Variants in PDZD8 observed in about 807,000 individuals in gnomAD.
The protein encoded by PDZD8 is PDZ domain-containing protein 8.
Under a neutral mutation model 85.8 loss-of-function variants are expected in PDZD8, and 14 were observed. That is an observed-to-expected ratio of 0.16 (90% CI 0.11 to 0.26). PDZD8 has a LOEUF of 0.26. Ranked by LOEUF, PDZD8 falls within the 10% of genes least tolerant of loss-of-function variation. The pLI is 1.00. For synonymous variants in PDZD8, 592 were observed against 568.6 expected (o/e 1.04, Z -0.59); for missense variants, 1,197 against 1,424.3 (o/e 0.84, Z 2.57).
Position 117,374,301 on chromosome 10 carries a change from C to G in PDZD8, c.872+55G>C. ...TTGCCCTTCCCAATCCACGCAGCGT[C>G]CCGCCCAGGCCCGGGTTCCCGGCAG... On this transcript the variant is annotated intron_variant, in intron 1 of 4. Transcript: ENST00000334464. This position sits in a 1 kb window ranked among gnomAD's most constrained non-coding sequence, Gnocchi z 7.8. The G allele has an allele frequency of 6.3e-7, 1 of 1,590,066 alleles. No individual in the cohort carries two copies. The highest frequency in any genetic ancestry group is 8.6e-7 in the Non-Finnish European group (1 of 1,167,294).
chr10:117,364,193 T>C (rs1297142941), intron 1 of PDZD8, among the ~76,000 whole-genome samples: 11 of 151,670 alleles, frequency 7.3e-5, no homozygotes, highest in Non-Finnish European at 1.5e-4. Flanking sequence ...TGTGTGTGTG[T>C]GTGTGTGTGT....
chr10:117,308,366 G>T (rs1192174288), intron 3 of PDZD8, among the ~76,000 whole-genome samples: 1 of 151,854 alleles, frequency 6.6e-6, no homozygotes, highest in African/African-American at 2.4e-5. Context: ...ACTTGTACAA[G>T]AAAAAATAAA....
intron 2 of PDZD8, among the ~76,000 whole-genome samples, chr10:117,340,291 T>C (rs1302801933): frequency 6.6e-6 from 1 of 152,126 alleles, no homozygotes; most frequent in African/African-American, 2.4e-5. Flanking sequence ...TTCTGAATCT[T>C]CTGCTAGGCC....
chr10:117,323,160 A>T (rs1455655242), intron 2 of PDZD8, among the ~76,000 whole-genome samples: 1 of 152,204 alleles, frequency 6.6e-6, no homozygotes, highest in African/African-American at 2.4e-5. Flanking sequence ...TCATCTAAGA[A>T]ATGTACTTGA....
At chr10:117,360,261 T>C (rs1390955601) in intron 1 of PDZD8, among the ~76,000 whole-genome samples, 3 of 152,020 alleles carry the variant, frequency 2.0e-5, no homozygotes, top group Admixed American at 6.6e-5. Context: ...ATGAGACGAG[T>C]TGCTCAGGGA....
intron 3 of PDZD8, among the ~76,000 whole-genome samples, chr10:117,307,127 C>T (rs1324910636): frequency 6.6e-6 from 1 of 152,002 alleles, no homozygotes; most frequent in African/African-American, 2.4e-5. Flanking sequence ...CAAGCATATT[C>T]GTATGTGAGC....
At chr10:117,352,219 T>C (rs1053781931) in intron 1 of PDZD8, among the ~76,000 whole-genome samples, 1 of 152,182 alleles carries the variant, frequency 6.6e-6, no homozygotes, top group Non-Finnish European at 1.5e-5. Context: ...CTGGGATCTT[T>C]AGAGAGAAAG....
chr10:117,362,719 C>CA (rs1212018529), intron 1 of PDZD8, among the ~76,000 whole-genome samples: 28 of 152,142 alleles, frequency 1.8e-4, no homozygotes, highest in African/African-American at 6.5e-4. Flanking sequence ...TTTAAGTAAG[C>CA]AATTTACCTA....
intron 1 of PDZD8, among the ~76,000 whole-genome samples, chr10:117,352,659 G>C (rs2133865626): frequency 6.6e-6 from 1 of 152,296 alleles, no homozygotes; most frequent in South Asian, 2.1e-4. Flanking sequence ...ATGAGAGGGT[G>C]AAGTAAAACT....
At chr10:117,347,364 A>G (rs1844726717) in intron 1 of PDZD8, among the ~76,000 whole-genome samples, 2 of 152,140 alleles carry the variant, frequency 1.3e-5, no homozygotes. Flanking sequence ...GTTTTAGATA[A>G]ACTCAACCAT....
At chr10:117,342,079 T>C (rs1844623499) in intron 1 of PDZD8, among the ~76,000 whole-genome samples, 1 of 152,164 alleles carries the variant, frequency 6.6e-6, no homozygotes, top group African/African-American at 2.4e-5. Context: ...AAACCAGAAT[T>C]CAAGCTAGTC....
intron 1 of PDZD8, among the ~76,000 whole-genome samples, chr10:117,357,210 C>T (rs11197961): frequency 0.099 from 14,977 of 151,524 alleles, 1,050 homozygotes; most frequent in East Asian, 0.34. Context: ...CTGGCCAACA[C>T]AGTGAAACCC....
intron 2 of PDZD8, among the ~76,000 whole-genome samples, chr10:117,335,927 A>G (rs1410909988): frequency 1.3e-5 from 2 of 152,192 alleles, no homozygotes; most frequent in African/African-American, 4.8e-5. Context: ...TGGAGGAAGA[A>G]CCAAAGCAAG....
chr10:117,286,461 A>C (rs527628334), intron 4 of PDZD8, among the ~76,000 whole-genome samples: 1 of 152,356 alleles, frequency 6.6e-6, no homozygotes, highest in South Asian at 2.1e-4. Flanking sequence ...AATCTAAGTA[A>C]CACCACCCCT....
At chr10:117,289,898 G>T (rs1387632759) in intron 4 of PDZD8, among the ~76,000 whole-genome samples, 1 of 152,186 alleles carries the variant, frequency 6.6e-6, no homozygotes, top group Non-Finnish European at 1.5e-5. Context: ...AAAATAAATA[G>T]AGTAGTAGAA....
intron 3 of PDZD8, among the ~76,000 whole-genome samples, chr10:117,300,158 G>T: frequency 6.6e-6 from 1 of 152,126 alleles, no homozygotes; most frequent in East Asian, 1.9e-4. Context: ...TTTCTCACAG[G>T]TTAAAAAAAC....
chr10:117,316,630 T>C (rs2532837), intron 3 of PDZD8, among the ~76,000 whole-genome samples: 150,768 of 152,360 alleles, frequency 0.99, 74,613 homozygotes, highest in Middle Eastern at 1. Context: ...TTGGAGGCTG[T>C]AGTAAGCCAT....
chr10:117,338,985 T>C (rs1411537672), intron 2 of PDZD8, among the ~76,000 whole-genome samples: 1 of 152,156 alleles, frequency 6.6e-6, no homozygotes, highest in Admixed American at 6.5e-5. Flanking sequence ...GTACCTATTA[T>C]ATGTATTTTA....
In PDZD8 at chr10:117,375,179, G is replaced by A. The variant is rs779067614; in HGVS notation, c.49C>T (p.Leu17Phe). The stretch of plus-strand genomic sequence containing the variant: ...AGGAAGAACTGGGCGAGGAGCGTGA[G>A]GAAGGAACCCAGCACGGCCGACGCC... ...ILASAVLGSF[L>F]TLLAQFFLLY... is the part of the protein sequence containing the mutation. Residue 17 changes from leucine to phenylalanine, a missense_variant, in exon 1 of 5, where the codon CTC (leucine) becomes TTC (phenylalanine). Physicochemically the swap from Leu to Phe is conservative, Grantham distance 22 (BLOSUM62 0). Coordinates refer to ENST00000334464, the MANE Select transcript of PDZD8 (RefSeq NM_173791.5). The A allele has an allele frequency of 2.5e-5, 39 of 1,578,728 alleles. No homozygotes were observed. Among genetic ancestry groups the A allele is most frequent in the Non-Finnish European group, 3.3e-5 (38 of 1,168,932 alleles).
Sources: allele counts gnomAD v4.1 joint callset (sites outside exome capture counted in the v4.1 genomes callset), GRCh38; gene constraint gnomAD v4.1.1; non-coding constraint Gnocchi (gnomAD v3.1); transcripts MANE v1.5; gene names NCBI Gene and HGNC (gene_info 2026-07-23, HGNC 2026-07-21).